The following GRAMD1B variants were observed in gnomAD, a reference collection of about 807,000 sequenced individuals.
The protein encoded by GRAMD1B is GRAM domain containing 1B.
GRAMD1B carries 37 observed loss-of-function variants against 99.7 expected under a neutral mutation model. That is an observed-to-expected ratio of 0.37 (90% CI 0.29 to 0.49). The LOEUF is 0.49. Ranked by LOEUF, GRAMD1B falls within the 20% of genes least tolerant of loss-of-function variation. GRAMD1B has a pLI of 0.98. For synonymous variants in GRAMD1B, 427 were observed against 387.6 expected, an observed-to-expected ratio of 1.10 and a Z score of -1.19; for missense variants, 888 against 1,009.2, an observed-to-expected ratio of 0.88 and a Z score of 1.63.
intron 16 of GRAMD1B, among the ~76,000 whole-genome samples, chr11:123,614,031 G>A (rs1953979244): frequency 6.6e-6 from 1 of 152,152 alleles, no homozygotes; most frequent in African/African-American, 2.4e-5. Flanking sequence ...AGATCAGGGA[G>A]ACCAAGACAG....
Position 123,619,211 on chromosome 11 carries a change from T to A in GRAMD1B, c.2531T>A (p.Met844Lys), listed in dbSNP as rs969001195. The change falls in exon 19 of 20, where the codon ATG (methionine) becomes AAG (lysine). Residue 844 changes from methionine to lysine, a missense_variant. Physicochemically the swap from Met to Lys is moderately conservative, Grantham distance 95. Transcript: ENST00000635736. ...AGGGAAATCATCAAATCCTCAGTGATGCTCCTTGACCAGGTGAGATGCCCC... is the reference window on the plus strand; with the variant it reads ...AGGGAAATCATCAAATCCTCAGTGAAGCTCCTTGACCAGGTGAGATGCCCC... ...KWREIIKSSV[M>K]LLDQMKDSLI... is the part of the protein sequence containing the mutation. 1 of 1,559,648 alleles carries A rather than the reference T, an allele frequency of 6.4e-7. No individual in the cohort carries two copies. The highest frequency in any genetic ancestry group is 8.7e-7 in the Non-Finnish European group (1 of 1,151,790).
At chr11:123,362,378 A>G (rs1280488202) in intron 1 of GRAMD1B, among the ~76,000 whole-genome samples, 1 of 152,204 alleles carries the variant, frequency 6.6e-6, no homozygotes, top group South Asian at 2.1e-4. Flanking sequence ...TTCTCCTGTC[A>G]GCACCCTCAT....
intron 17 of GRAMD1B, 66 bp from the exon 18 acceptor site, chr11:123,618,627 G>T: frequency 1.1e-6 from 1 of 925,700 alleles, no homozygotes; most frequent in East Asian, 2.5e-5. Context: ...CCTCTGGGAT[G>T]GGGGATGTCC....
intron 2 of GRAMD1B, among the ~76,000 whole-genome samples, chr11:123,485,554 G>A (rs190467555): frequency 6.6e-6 from 1 of 152,146 alleles, no homozygotes; most frequent in Non-Finnish European, 1.5e-5. Context: ...TGCTGAGTGG[G>A]TGTGGCATCA....
intron 2 of GRAMD1B, among the ~76,000 whole-genome samples, chr11:123,532,845 A>C (rs1048615927): frequency 2.0e-5 from 3 of 152,262 alleles, no homozygotes; most frequent in African/African-American, 7.2e-5. Flanking sequence ...ATGCTACAAC[A>C]GCAGAATTGA....
chr11:123,507,090 T>C (rs891075733), intron 2 of GRAMD1B, among the ~76,000 whole-genome samples: 4 of 152,348 alleles, frequency 2.6e-5, no homozygotes, highest in African/African-American at 9.6e-5. Flanking sequence ...GGATCTGATT[T>C]CTGTGTGACT....
In GRAMD1B at chr11:123,596,020, T is replaced by G; in HGVS notation, c.952T>G (p.Cys318Gly). The change falls in exon 7 of 20, where the codon TGC becomes GGC. Residue 318 changes from cysteine (C) to glycine (G), a missense_variant. Cys to Gly is a radical substitution (Grantham distance 159, BLOSUM62 -3). This residue lies in a region of GRAMD1B where 62 missense variants were observed against 139.4 expected (regional missense o/e 0.44). Coordinates refer to ENST00000635736, the MANE Select transcript of GRAMD1B (RefSeq NM_001387025.1). Reference protein sequence around the residue: ...ARLIPNAIQVCTDSEKHFFTS... With the variant: ...ARLIPNAIQVGTDSEKHFFTS... ...CCTCATTCCCAATGCCATCCAAGTT[T>G]GCACTGATTCAGAAAAGGTAAGTGG... 6.2e-7 allele frequency: 1 copy of G among 1,600,422 alleles called. No individual in the cohort carries two copies. Among genetic ancestry groups the G allele is most frequent in the Non-Finnish European group, 8.5e-7 (1 of 1,170,178 alleles).
intron 2 of GRAMD1B, among the ~76,000 whole-genome samples, chr11:123,512,076 C>G (rs1941081025): frequency 6.6e-6 from 1 of 152,254 alleles, no homozygotes. Context: ...CTTCCTCTCT[C>G]TTTTCCTTCC....
chr11:123,425,544 A>G (rs1350545041), upstream of GRAMD1B, among the ~76,000 whole-genome samples: 1 of 152,178 alleles, frequency 6.6e-6, no homozygotes, highest in Non-Finnish European at 1.5e-5. Context: ...TTATCTGGTG[A>G]CAGTCCTTCT....
At chr11:123,570,256 C>G (rs1161657475) in intron 2 of GRAMD1B, among the ~76,000 whole-genome samples, 1 of 152,060 alleles carries the variant, frequency 6.6e-6, no homozygotes, top group African/African-American at 2.4e-5. Context: ...GGGGTGGTAT[C>G]AGGTTAAGGC....
intron 2 of GRAMD1B, among the ~76,000 whole-genome samples, chr11:123,498,095 T>C (rs1939500579): frequency 6.6e-6 from 1 of 152,018 alleles, no homozygotes. Context: ...CCGCTTGTGA[T>C]GAATGCTGCC....
Position 123,625,070 on chromosome 11 carries a change from G to GA in GRAMD1B, c.*2481dup, listed in dbSNP as rs1955423487. On this transcript the variant is annotated 3_prime_UTR_variant, in exon 20 of 20. Coordinates refer to ENST00000635736, the MANE Select transcript of GRAMD1B (RefSeq NM_001387025.1). Reference sequence around the variant, plus strand: ...AATAATTTTTTGACTATCATACCAGGAAAAAACCAACAACTCTATTCATTC... The same window carrying GA: ...AATAATTTTTTGACTATCATACCAGGAAAAAAACCAACAACTCTATTCATTC... 1.3e-5 allele frequency: 2 copies of GA among 152,134 alleles called. No individual in the cohort carries two copies. Among genetic ancestry groups the GA allele is most frequent in the African/African-American group, 4.8e-5 (2 of 41,418 alleles). The allele number at this position is 152,134 out of a possible 1,614,324, so 9.4% of individuals were successfully genotyped here.
chr11:123,395,027 G>A (rs774983537), intron 1 of GRAMD1B, among the ~76,000 whole-genome samples: 3 of 152,166 alleles, frequency 2.0e-5, no homozygotes, highest in Non-Finnish European at 4.4e-5. Flanking sequence ...ATACTGTTAT[G>A]ATTAAATTTC....
intron 2 of GRAMD1B, among the ~76,000 whole-genome samples, chr11:123,548,290 AAAT>A (rs1414189736): frequency 6.9e-5 from 4 of 58,148 alleles, no homozygotes; most frequent in African/African-American, 3.3e-4. Context: ...GGCTGTGCCA[AAAT>A]ATATATATAT....
upstream of GRAMD1B, among the ~76,000 whole-genome samples, chr11:123,427,708 C>T (rs1488346605): frequency 6.6e-6 from 1 of 152,170 alleles, no homozygotes; most frequent in African/African-American, 2.4e-5. Context: ...ACTGCAGGTG[C>T]AAGTGAGTAA....
intron 2 of GRAMD1B, among the ~76,000 whole-genome samples, chr11:123,500,542 T>C (rs1939745957): frequency 1.3e-5 from 2 of 152,156 alleles, no homozygotes; most frequent in Admixed American, 6.5e-5. Flanking sequence ...ATAGGAAGCT[T>C]TCACCAGTCT....
At chr11:123,488,689 A>G (rs552496556) in intron 2 of GRAMD1B, among the ~76,000 whole-genome samples, 1 of 138,500 alleles carries the variant, frequency 7.2e-6, no homozygotes, top group South Asian at 2.4e-4. Context: ...CCCCGTTGCC[A>G]CCCCATGGCC....
At position 123,510,249 on chromosome 11, in the gene GRAMD1B, G is replaced by A. The variant is rs1205041251; in HGVS notation, c.452+29356G>A. On this transcript the variant is annotated intron_variant, in intron 2 of 19. Coordinates refer to ENST00000635736, the MANE Select transcript of GRAMD1B (RefSeq NM_001387025.1). This position sits in a 1 kb window ranked among gnomAD's most constrained non-coding sequence, Gnocchi z 4.3. ...TCCCCCCGGCTCTTGCTCATTACCT[G>A]CCAGCTGGCCTCTTCCCACATGCCC... Among the ~76,000 whole-genome samples the A allele has an allele frequency of 6.6e-6, 1 of 152,050 alleles. No individual in the cohort carries two copies. The highest frequency in any genetic ancestry group is 2.4e-5 in the African/African-American group (1 of 41,404).
intron 7 of GRAMD1B, chr11:123,599,298 T>C: frequency 1.4e-6 from 1 of 722,846 alleles, no homozygotes; most frequent in Admixed American, 1.7e-5. Flanking sequence ...CCCACTGACC[T>C]CCATATACCT....
Sources: gnomAD v4.1 joint callset for allele counts (sites outside exome capture counted in the v4.1 genomes callset) on GRCh38, gnomAD v4.1.1 for gene constraint, gnomAD v4.1.1 regional missense constraint, Gnocchi (gnomAD v3.1) non-coding constraint, MANE v1.5 for transcripts, NCBI Gene and HGNC (gene_info 2026-07-23, HGNC 2026-07-21) for gene names.